The following PRTN3 variants were observed in gnomAD, a reference collection of about 807,000 sequenced individuals.
PRTN3 encodes the protein myeloblastin.
Under a neutral mutation model 20.7 loss-of-function variants are expected in PRTN3, and 22 were observed. The ratio of observed to expected loss-of-function variants is 1.06; its 90% confidence interval spans 0.76 to 1.52. PRTN3 has a LOEUF of 1.52. PRTN3 is among the 40% of genes most tolerant of loss of function. The pLI is 0.00. For missense variants in PRTN3, 378 were observed against 359.6 expected, an observed-to-expected ratio of 1.05 and a Z score of -0.41; for synonymous variants, 173 against 152.9, an observed-to-expected ratio of 1.13 and a Z score of -0.97.
Position 843,620 on chromosome 19 carries a change from G to A in PRTN3, c.221G>A (p.Arg74Gln), listed in dbSNP as rs754825960. 1.3e-6 allele frequency: 2 copies of A among 1,583,090 alleles called. No homozygotes were observed. Among genetic ancestry groups the A allele is most frequent in the Non-Finnish European group, 8.5e-7 (1 of 1,170,692 alleles). The change falls in exon 2 of 5, where the codon CGG becomes CAG. Residue 74 changes from arginine to glutamine, a missense_variant. Coordinates refer to ENST00000234347, the MANE Select transcript of PRTN3 (RefSeq NM_002777.4). ...GTGCTGACGGCCGCGCACTGCCTGC[G>A]GGACATGTGAGCGGCCGCCTCCACA... is the stretch of plus-strand genomic sequence containing the variant. ...SFVLTAAHCL[R>Q]DIPQRLVNVV... is the part of the protein sequence containing the mutation.
Position 847,824 on chromosome 19 carries a change from G to A in PRTN3, c.626G>A (p.Cys209Tyr). 2 of 1,609,338 alleles carry A rather than the reference G, an allele frequency of 1.2e-6. No individual in the cohort carries two copies. The highest frequency in any genetic ancestry group is 1.7e-6 in the Non-Finnish European group (2 of 1,177,696). Residue 209 changes from cysteine (C) to tyrosine (Y), a missense_variant, in exon 5 of 5, where the codon TGT becomes TAT. By Grantham distance (194) the Cys-to-Tyr change is radical. Coordinates refer to ENST00000234347, the MANE Select transcript of PRTN3 (RefSeq NM_002777.4). ...CFGDSGGPLI[C>Y]DGIIQGIDSF... ...GGAGACTCAGGTGGCCCCCTGATCTGTGATGGCATCATCCAAGGAATAGAC... is the reference window on the plus strand; with the variant it reads ...GGAGACTCAGGTGGCCCCCTGATCTATGATGGCATCATCCAAGGAATAGAC...
chr19:846,558 G>T (rs1438929506), intron 4 of PRTN3, among the ~76,000 whole-genome samples, 181 bp downstream of exon 4: 1 of 152,124 alleles, frequency 6.6e-6, no homozygotes, highest in African/African-American at 2.4e-5. Flanking sequence ...CGCTCACATT[G>T]CACCTGGCTG....
intron 1 of PRTN3, among the ~76,000 whole-genome samples, chr19:843,017 C>G (rs563635735): frequency 6.6e-6 from 1 of 152,122 alleles, no homozygotes; most frequent in Non-Finnish European, 1.5e-5. Context: ...TGGGCTCAAG[C>G]GATCCTCCCT....
At chr19:843,126 G>A (rs551222860) in intron 1 of PRTN3, among the ~76,000 whole-genome samples, 1 of 152,140 alleles carries the variant, frequency 6.6e-6, no homozygotes, top group East Asian at 1.9e-4. Flanking sequence ...ATTTTGCCCA[G>A]GCTGGTCTTG....
intron 3 of PRTN3, among the ~76,000 whole-genome samples, chr19:845,060 G>A (rs1045749602): frequency 2.7e-5 from 4 of 148,758 alleles, no homozygotes; most frequent in African/African-American, 5.0e-5. Flanking sequence ...TAATTCTCCT[G>A]CCTCAGCCTC....
intron 3 of PRTN3, among the ~76,000 whole-genome samples, chr19:845,580 G>A (rs1406805745): frequency 2.0e-5 from 3 of 151,958 alleles, no homozygotes; most frequent in East Asian, 1.9e-4. Context: ...TGGGCGTGAC[G>A]GCAGGTGTCT....
chr19:843,674 T>C (rs1366938448), intron 2 of PRTN3, 48 bp downstream of exon 2: 1 of 1,536,480 alleles, frequency 6.5e-7, no homozygotes, highest in South Asian at 1.2e-5. Context: ...GCCCTCTTCC[T>C]CCAGCCCTGG....
rs372474336 is a variant in PRTN3 at position 846,937 on chromosome 19, G to A, written c.600+560G>A. ...TTTTTGGTATTTTTAGTAGAGATGA[G>A]GTTTCTCCATGTTGACCAGGCTGGT... On this transcript the variant is annotated intron_variant, in intron 4 of 4. Transcript: ENST00000234347. Among the ~76,000 whole-genome samples the A allele has an allele frequency of 2.9e-4, 44 of 152,198 alleles. 3 individuals carry two copies. In the East Asian group the frequency reaches 3.3e-3, roughly 11 times the overall value.
chr19:846,897 C>T (rs1399301258), intron 4 of PRTN3, among the ~76,000 whole-genome samples: 2 of 152,094 alleles, frequency 1.3e-5, no homozygotes, highest in Admixed American at 6.6e-5. Context: ...TACCTGCCAC[C>T]GTGCCTGGCT....
chr19:847,180 C>A (rs965030700), intron 4 of PRTN3, among the ~76,000 whole-genome samples: 4 of 152,148 alleles, frequency 2.6e-5, no homozygotes, highest in Non-Finnish European at 5.9e-5. Context: ...GTGATGTGAG[C>A]CTGTAGGCCC....
rs144775105 is a variant in PRTN3 at position 846,150 on chromosome 19, A to C, written c.373A>C (p.Ser125Arg). The change falls in exon 4 of 5, where the codon AGC becomes CGC. Residue 125 changes from serine to arginine, a missense_variant. By Grantham distance (110) the Ser-to-Arg change is moderately radical. Coordinates refer to ENST00000234347, the MANE Select transcript of PRTN3 (RefSeq NM_002777.4). ...KLNDVLLIQLSSPANLSASVA... is the reference protein window; with the variant it reads ...KLNDVLLIQLRSPANLSASVA... ...CGCCGCCTGCCTTCTGCCCCAGCTG[A>C]GCAGCCCAGCCAACCTCAGTGCCTC... 2 of 1,426,976 alleles carry C rather than the reference A, an allele frequency of 1.4e-6. No homozygotes were observed. Among genetic ancestry groups the C allele is most frequent in the Non-Finnish European group, 1.8e-6 (2 of 1,089,114 alleles). 88.4% of individuals were successfully genotyped at this position (1,426,976 alleles called of 1,614,324 possible).
intron 1 of PRTN3, 121 bp downstream of exon 1, chr19:841,190 G>A: frequency 7.6e-7 from 1 of 1,316,746 alleles, no homozygotes. Flanking sequence ...GGCAGGGTCA[G>A]GGGAGACTCC....
At chr19:841,102 C>A in intron 1 of PRTN3, 33 bp downstream of exon 1, 1 of 1,598,022 alleles carries the variant, frequency 6.3e-7, no homozygotes, top group Non-Finnish European at 8.5e-7. Context: ...CATCCAGCCT[C>A]CAGGCCCCGG....
rs371405241 is a variant in PRTN3, at chr19:847,973, G to T, written c.*4G>T. On this transcript the variant is annotated 3_prime_UTR_variant, in exon 5 of 5. Transcript: ENST00000234347. ...GGAGGCCAAGGGCCGCCCCTGAACC[G>T]CCCCTCCCACAGCGCTGGCCGGGAC... 1.9e-6 allele frequency: 3 copies of T among 1,595,938 alleles called. No individual in the cohort carries two copies. The highest frequency in any genetic ancestry group is 1.7e-6 in the Non-Finnish European group (2 of 1,172,136).
At chr19:843,716 C>T in intron 2 of PRTN3, 90 bp downstream of exon 2, 1 of 1,476,792 alleles carries the variant, frequency 6.8e-7, no homozygotes, top group Non-Finnish European at 9.0e-7. Flanking sequence ...CGGGGAGGAC[C>T]CAGCTAAGCC....
chr19:845,987 T>C lies in PRTN3; in HGVS notation c.370-160T>C, dbSNP rs78009368. On this transcript the variant is annotated intron_variant, in intron 3 of 4. Coordinates refer to ENST00000234347, the MANE Select transcript of PRTN3 (RefSeq NM_002777.4). ...AAGGAAAGAAAATGAATGAATACAA[T>C]AGTGACAAATGGGACAAAGGGGGTC... is the stretch of plus-strand genomic sequence containing the variant. Among the ~76,000 whole-genome samples, 652 of 151,478 alleles carry C rather than the reference T, an allele frequency of 4.3e-3. 7 individuals carry two copies. The highest frequency in any genetic ancestry group is 0.015 in the African/African-American group (629 of 41,296).
chr19:845,693 A>T (rs2035506709), intron 3 of PRTN3, among the ~76,000 whole-genome samples: 1 of 149,358 alleles, frequency 6.7e-6, no homozygotes, highest in Non-Finnish European at 1.5e-5. Flanking sequence ...TAGCCTGGGC[A>T]ACAAGAGCGA....
chr19:845,673 C>G (rs1268529840), intron 3 of PRTN3, among the ~76,000 whole-genome samples: 2 of 151,034 alleles, frequency 1.3e-5, no homozygotes, highest in Non-Finnish European at 2.9e-5. Context: ...GAGATTGTGC[C>G]ACTGCACTCT....
chr19:841,195 G>C, intron 1 of PRTN3, 126 bp downstream of exon 1: 2 of 1,272,968 alleles, frequency 1.6e-6, no homozygotes, highest in Non-Finnish European at 2.2e-6. Context: ...GGTCAGGGGA[G>C]ACTCCACTCA....
Sources: gnomAD v4.1 joint callset for allele counts (sites outside exome capture counted in the v4.1 genomes callset) on GRCh38, gnomAD v4.1.1 for gene constraint, MANE v1.5 for transcripts, NCBI Gene and HGNC (gene_info 2026-07-23, HGNC 2026-07-21) for gene names.